CNTN3: variants seen among roughly 807,000 people sequenced by gnomAD.
CNTN3 encodes the protein contactin 3.
Under a neutral mutation model 119.1 loss-of-function variants are expected in CNTN3, and 60 were observed. The ratio of observed to expected loss-of-function variants is 0.50; its 90% CI spans 0.41 to 0.62. The LOEUF (loss-of-function observed/expected upper bound fraction) is 0.62, where lower values mean the gene tolerates loss of function less well. CNTN3 is among the 20% of genes least tolerant of loss of function. The probability of loss-of-function intolerance (pLI) is 0.00; values close to 1 mark genes in which losing one functional copy is unlikely to be tolerated. For synonymous variants in CNTN3, 450 were observed against 438.7 expected (o/e 1.03, Z -0.32); for missense variants, 1,101 against 1,242.4 (o/e 0.89, Z 1.71).
Position 74,458,091 on chromosome 3 carries a change from CTCAG to C in CNTN3, c.358+28361_358+28364del, listed in dbSNP as rs1258668545. On this transcript the variant is annotated intron_variant, in intron 4 of 22. Coordinates refer to ENST00000263665, the MANE Select transcript of CNTN3 (RefSeq NM_020872.3). The stretch of plus-strand genomic sequence containing the variant: ...AGACAAATGGAGACAAACTGTCACC[CTCAG>C]TCAATCTATCAGCAAAAGTAATTCT... 8.5e-5 allele frequency among the ~76,000 whole-genome samples: 13 copies of C among 152,082 alleles called. No individual in the cohort carries two copies. In the South Asian group the frequency reaches 2.5e-3, roughly 29 times the overall value.
chr3:74,344,535 C>T (rs1703639449), intron 11 of CNTN3, among the ~76,000 whole-genome samples: 1 of 97,870 alleles, frequency 1.0e-5, no homozygotes, highest in Non-Finnish European at 2.1e-5. Context: ...ACGCCATTCT[C>T]CTGCTTCAGC....
chr3:74,510,037 A>G (rs956689050), intron 2 of CNTN3, among the ~76,000 whole-genome samples: 4 of 75,148 alleles, frequency 5.3e-5, no homozygotes, highest in African/African-American at 2.0e-4. Context: ...ATACATATAT[A>G]TAAGTTTTCA....
At chr3:74,408,255 T>G (rs1345766473) in intron 5 of CNTN3, among the ~76,000 whole-genome samples, 1 of 152,200 alleles carries the variant, frequency 6.6e-6, no homozygotes, top group Non-Finnish European at 1.5e-5. Flanking sequence ...ATTTCTGAGA[T>G]GCTTTTGAAA....
chr3:74,335,654 C>T (rs942901463), intron 12 of CNTN3, among the ~76,000 whole-genome samples: 3 of 152,062 alleles, frequency 2.0e-5, no homozygotes, highest in Admixed American at 1.3e-4. Context: ...TCCCAACCCC[C>T]GTCCTCACCA....
intron 20 of CNTN3, among the ~76,000 whole-genome samples, chr3:74,284,119 A>G (rs1559680180): frequency 6.6e-6 from 1 of 152,186 alleles, no homozygotes; most frequent in East Asian, 1.9e-4. Context: ...CATCTAAAGT[A>G]GCAGAACTGT....
At chr3:74,426,393 A>G (rs2106900723) in intron 4 of CNTN3, among the ~76,000 whole-genome samples, 1 of 152,308 alleles carries the variant, frequency 6.6e-6, no homozygotes, top group East Asian at 1.9e-4. Flanking sequence ...TTAGAATACA[A>G]CTTGGATATT....
At chr3:74,353,659 G>C (rs1173748964) in intron 11 of CNTN3, among the ~76,000 whole-genome samples, 1 of 152,054 alleles carries the variant, frequency 6.6e-6, no homozygotes, top group Non-Finnish European at 1.5e-5. Flanking sequence ...GGGAGGCCGA[G>C]GCAGGAGAAT....
chr3:74,541,945 T>G (rs377582166), intron 1 of CNTN3, among the ~76,000 whole-genome samples: 18 of 152,266 alleles, frequency 1.2e-4, no homozygotes, highest in African/African-American at 4.3e-4. Context: ...TTTAAACATG[T>G]AGTATGGACT....
chr3:74,360,716 T>A (rs1704055584), intron 11 of CNTN3, among the ~76,000 whole-genome samples: 1 of 152,156 alleles, frequency 6.6e-6, no homozygotes, highest in South Asian at 2.1e-4. Context: ...CCTCTTGTGG[T>A]CATGGAACCA....
At chr3:74,560,234 T>C (rs1013057297) in intron 1 of CNTN3, among the ~76,000 whole-genome samples, 13 of 152,118 alleles carry the variant, frequency 8.5e-5, no homozygotes, top group African/African-American at 3.1e-4. Context: ...ACACACCTCT[T>C]GAGGATCAGA....
intron 5 of CNTN3, among the ~76,000 whole-genome samples, chr3:74,401,774 C>T (rs186649745): frequency 2.4e-4 from 37 of 152,204 alleles, no homozygotes; most frequent in Admixed American, 2.1e-3. Context: ...GATAACTGCT[C>T]CCCAGTCCTC....
intron 13 of CNTN3, among the ~76,000 whole-genome samples, chr3:74,320,731 T>C (rs1025251343): frequency 2.6e-5 from 4 of 151,976 alleles, no homozygotes; most frequent in African/African-American, 9.7e-5. Flanking sequence ...TCCCTGAGCC[T>C]CATGGTTAGA....
intron 4 of CNTN3, among the ~76,000 whole-genome samples, chr3:74,450,363 T>C (rs892851504): frequency 6.6e-6 from 1 of 152,100 alleles, no homozygotes; most frequent in African/African-American, 2.4e-5. Flanking sequence ...GGTGTAACTT[T>C]GGAAAGTTTG....
At chr3:74,427,346 A>T (rs2106902558) in intron 4 of CNTN3, among the ~76,000 whole-genome samples, 1 of 152,332 alleles carries the variant, frequency 6.6e-6, no homozygotes, top group Admixed American at 6.5e-5. Flanking sequence ...GGACAGTAGT[A>T]GTAGCAGTCA....
In CNTN3 at chr3:74,316,788, C is replaced by T. The variant is rs543512547; in HGVS notation, c.1669-13981G>A. On this transcript the variant is annotated intron_variant, in intron 13 of 22. Transcript: ENST00000263665. ...AAAATACAAAAAAAAATTAGCTGGCCGTGGTGGCGGGTGCCTGTAGTCCCA... is the reference window on the plus strand; with the variant it reads ...AAAATACAAAAAAAAATTAGCTGGCTGTGGTGGCGGGTGCCTGTAGTCCCA... 5.3e-5 allele frequency among the ~76,000 whole-genome samples: 8 copies of T among 151,996 alleles called. No homozygotes were observed. In the East Asian group the frequency reaches 7.8e-4, roughly 15 times the overall value.
intron 8 of CNTN3, among the ~76,000 whole-genome samples, chr3:74,367,435 T>C (rs1177979699): frequency 1.3e-5 from 2 of 152,056 alleles, no homozygotes; most frequent in African/African-American, 4.8e-5. Context: ...TATAGAAACA[T>C]GACATTATTC....
At chr3:74,543,863 G>A (rs1190886245) in intron 1 of CNTN3, among the ~76,000 whole-genome samples, 1 of 152,168 alleles carries the variant, frequency 6.6e-6, no homozygotes, top group Non-Finnish European at 1.5e-5. Flanking sequence ...GGGGAGGGCA[G>A]TGATTTTGTG....
intron 4 of CNTN3, among the ~76,000 whole-genome samples, chr3:74,466,265 C>A (rs1702459113): frequency 6.6e-6 from 1 of 152,114 alleles, no homozygotes; most frequent in East Asian, 1.9e-4. Context: ...AGTGGCATAA[C>A]ATTAGTCTTG....
At chr3:74,444,480 G>C (rs1042042588) in intron 4 of CNTN3, among the ~76,000 whole-genome samples, 1 of 152,058 alleles carries the variant, frequency 6.6e-6, no homozygotes, top group African/African-American at 2.4e-5. Context: ...AAGGCTTTCC[G>C]TATTTCTTCC....
Sources: allele counts gnomAD v4.1 joint callset (sites outside exome capture counted in the v4.1 genomes callset), GRCh38; gene constraint gnomAD v4.1.1; transcripts MANE v1.5; gene names NCBI Gene and HGNC (gene_info 2026-07-23, HGNC 2026-07-21).